MDN1: variants seen among roughly 807,000 people sequenced by gnomAD.
The protein encoded by MDN1 is midasin.
A neutral mutation model predicts 669.2 loss-of-function variants in MDN1; 266 were observed. The observed-to-expected ratio is 0.40, with a 90% CI of 0.36 to 0.44. The LOEUF (loss-of-function observed/expected upper bound fraction) is 0.44, where lower values mean the gene tolerates loss of function less well. MDN1 is among the 20% of genes least tolerant of loss of function. The probability of loss-of-function intolerance (pLI) is 1.00; values close to 1 mark genes in which losing one functional copy is unlikely to be tolerated. For missense variants in MDN1, 5,940 were observed against 6,754.0 expected (o/e 0.88, Z 4.22); for synonymous variants, 2,385 against 2,457.1 (o/e 0.97, Z 0.87).
intron 85 of MDN1, 54 bp from the exon 86 acceptor site, chr6:89,663,021 G>A: frequency 1.9e-6 from 3 of 1,599,472 alleles, no homozygotes; most frequent in Non-Finnish European, 2.6e-6. Flanking sequence ...CCAGTCCTGT[G>A]TATTTAAGAG....
chr6:89,768,692 G>A (rs989408805), intron 15 of MDN1, among the ~76,000 whole-genome samples: 3 of 151,794 alleles, frequency 2.0e-5, no homozygotes, highest in African/African-American at 7.3e-5. Flanking sequence ...AACTATGAGG[G>A]CACCATGGTA....
In MDN1 at chr6:89,674,422, C is replaced by T. The variant is rs1205244751; in HGVS notation, c.12929G>A (p.Cys4310Tyr). The T allele has an allele frequency of 5.6e-6, 9 of 1,614,026 alleles. No homozygotes were observed. Among genetic ancestry groups the T allele is most frequent in the Non-Finnish European group, 5.9e-6 (7 of 1,180,026 alleles). ...TGGAGCTGGCCCTACACTGGGGCAG[C>T]ACTGGAGGAGCCAGGAGAGCTGCTC... is the stretch of plus-strand genomic sequence containing the variant. ...LLEQLSWLLQCCPSVGPAPGH... is the reference protein window; with the variant it reads ...LLEQLSWLLQYCPSVGPAPGH... The change falls in exon 79 of 102, where the codon TGC becomes TAC. Residue 4310 changes from cysteine (C) to tyrosine (Y), a missense_variant. Transcript: ENST00000369393.
chr6:89,704,805 C>T (rs1813411049), intron 53 of MDN1, among the ~76,000 whole-genome samples: 1 of 152,192 alleles, frequency 6.6e-6, no homozygotes. Context: ...TGGCCTTGAT[C>T]TCCTGACCTC....
Position 89,743,177 on chromosome 6 carries a change from T to C in MDN1, c.4421A>G (p.Asp1474Gly), listed in dbSNP as rs770811921. The C allele has an allele frequency of 6.2e-7, 1 of 1,614,026 alleles. No homozygotes were observed. Among genetic ancestry groups the C allele is most frequent in the Non-Finnish European group, 8.5e-7 (1 of 1,180,024 alleles). The change falls in exon 31 of 102, where the codon GAT (aspartate) becomes GGT (glycine). Residue 1474 changes from aspartate (D) to glycine (G), a missense_variant. Around this residue, in one of 5 missense-constraint regions of MDN1, gnomAD observed 2,292 missense variants for 2,638.3 expected, o/e 0.87. Coordinates refer to ENST00000369393, the MANE Select transcript of MDN1 (RefSeq NM_014611.3). ...FFLLDEISLADDSVLERLNSV... is the reference protein window; with the variant it reads ...FFLLDEISLAGDSVLERLNSV... ...GTTGAGTCTTTCCAAGACAGAGTCA[T>C]CGGCCAATGAGATCTCATCCAAGAG... is the stretch of plus-strand genomic sequence containing the variant.
chr6:89,732,313 C>A (rs1219634653), intron 34 of MDN1, among the ~76,000 whole-genome samples: 1 of 150,484 alleles, frequency 6.6e-6, no homozygotes, highest in Non-Finnish European at 1.5e-5. Flanking sequence ...GCAGTCTTTA[C>A]TCTACTCATA....
At chr6:89,708,698 T>C in intron 50 of MDN1, 70 bp from the exon 51 acceptor site, 1 of 1,526,448 alleles carries the variant, frequency 6.6e-7, no homozygotes, top group Middle Eastern at 1.9e-4. Flanking sequence ...AAGTTTCAGT[T>C]GAATATTTTC....
At chr6:89,805,309 A>G (rs1017424788) in intron 1 of MDN1, among the ~76,000 whole-genome samples, 11 of 152,286 alleles carry the variant, frequency 7.2e-5, no homozygotes, top group African/African-American at 2.6e-4. Flanking sequence ...TGGAAGGCCG[A>G]AGCAGACAGA....
intron 32 of MDN1, 59 bp downstream of exon 32, chr6:89,740,175 G>A (rs928046304): frequency 5.8e-6 from 9 of 1,562,190 alleles, no homozygotes; most frequent in East Asian, 2.4e-5. Context: ...CTATATTTAC[G>A]AGTACCAGTA....
At chr6:89,725,426 C>A in intron 37 of MDN1, 30 bp from the exon 38 acceptor site, 1 of 1,564,318 alleles carries the variant, frequency 6.4e-7, no homozygotes, top group South Asian at 1.1e-5. Context: ...CATAATTTGT[C>A]TCAAATATAT....
At chr6:89,771,368 G>A (rs970599202) in intron 15 of MDN1, among the ~76,000 whole-genome samples, 193 bp downstream of exon 15, 1 of 151,960 alleles carries the variant, frequency 6.6e-6, no homozygotes, top group Non-Finnish European at 1.5e-5. Flanking sequence ...GTCTTACTGG[G>A]GCCAGCCACA....
At chr6:89,649,935 C>T in intron 97 of MDN1, 89 bp downstream of exon 97, 1 of 1,314,426 alleles carries the variant, frequency 7.6e-7, no homozygotes, top group Non-Finnish European at 1.1e-6. Flanking sequence ...AAGCATTAGC[C>T]ATATCATATT....
chr6:89,790,404 A>G lies in MDN1; in HGVS notation c.856-3T>C. ...CGTGAAGAACTCCTATTACCACCCT[A>G]AAGAGGCAAGACAAAAGCCATGTCA... On this transcript the variant is annotated splice_polypyrimidine_tract_variant and splice_region_variant and intron_variant, in intron 5 of 101. Coordinates refer to ENST00000369393, the MANE Select transcript of MDN1 (RefSeq NM_014611.3). 6.2e-7 allele frequency: 1 copy of G among 1,613,640 alleles called. No homozygotes were observed. Among genetic ancestry groups the G allele is most frequent in the Non-Finnish European group, 8.5e-7 (1 of 1,179,924 alleles).
In MDN1 at chr6:89,785,014, C is replaced by T; in HGVS notation, c.1447G>A (p.Glu483Lys). ...LDNLDKRELN[E>K]VLQSRYPSLL... ...GATACTTTCCAAGACCCACGTACCT[C>T]ATTCAGTTCTCTCTTATCCAGGTTA... The change falls in exon 9 of 102, where the codon GAG (glutamate) becomes AAG (lysine). Residue 483 changes from glutamate to lysine, a missense_variant and splice_region_variant. By Grantham distance (56) the Glu-to-Lys change is moderately conservative (BLOSUM62 1). This residue lies in a region of MDN1 where 1,203 missense variants were observed against 1,268.9 expected (regional missense o/e 0.95). Coordinates refer to ENST00000369393, the MANE Select transcript of MDN1 (RefSeq NM_014611.3). 1 of 1,602,316 alleles carries T rather than the reference C, an allele frequency of 6.2e-7. No individual in the cohort carries two copies. Among genetic ancestry groups the T allele is most frequent in the Middle Eastern group, 1.7e-4 (1 of 6,038 alleles).
intron 2 of MDN1, among the ~76,000 whole-genome samples, chr6:89,795,631 A>G (rs1819546131): frequency 6.6e-6 from 1 of 152,204 alleles, no homozygotes; most frequent in Admixed American, 6.5e-5. Context: ...AGATTAAGAA[A>G]AAAAAGATTC....
rs745848455 is a variant in MDN1, at chr6:89,713,177, A to G, written c.7189T>C (p.Cys2397Arg). Reference protein sequence around the residue: ...FSEACWEVYVCSQHSPANRKL... With the variant: ...FSEACWEVYVRSQHSPANRKL... ...CGGTTTGCTGGTGAATGCTGGGAACAGACATATACTTCCCAGCATGCTTCA... is the reference window on the plus strand; with the variant it reads ...CGGTTTGCTGGTGAATGCTGGGAACGGACATATACTTCCCAGCATGCTTCA... Residue 2397 changes from cysteine (C) to arginine (R), a missense_variant, in exon 47 of 102, where the codon TGT becomes CGT. By Grantham distance (180) the Cys-to-Arg change is radical. This residue lies in a region of MDN1 where 2,292 missense variants were observed against 2,638.3 expected (regional missense o/e 0.87). Transcript: ENST00000369393. 5.6e-6 allele frequency: 9 copies of G among 1,613,998 alleles called. No homozygotes were observed. In the Admixed American group the frequency reaches 1.3e-4, roughly 24 times the overall value.
chr6:89,673,955 C>T (rs1330379468), intron 79 of MDN1, 149 bp downstream of exon 79: 3 of 702,622 alleles, frequency 4.3e-6, no homozygotes, highest in Non-Finnish European at 6.7e-6. Flanking sequence ...CACCCCACCC[C>T]ATCCCCCAAA....
intron 1 of MDN1, 75 bp downstream of exon 1, chr6:89,819,431 G>T: frequency 7.4e-7 from 1 of 1,344,318 alleles, no homozygotes; most frequent in Non-Finnish European, 1.0e-6. Flanking sequence ...GCGAGTATCG[G>T]CGGGGGAGCG....
chr6:89,806,036 C>T (rs1326021304), intron 1 of MDN1, among the ~76,000 whole-genome samples: 1 of 152,062 alleles, frequency 6.6e-6, no homozygotes, highest in Non-Finnish European at 1.5e-5. Context: ...CTCCCAAGCT[C>T]AAGCAATCCT....
chr6:89,818,445 G>A (rs1435542681), intron 1 of MDN1, among the ~76,000 whole-genome samples: 2 of 151,516 alleles, frequency 1.3e-5, no homozygotes, highest in Admixed American at 6.6e-5. Context: ...ACCAGTCGGG[G>A]CAACAAAGGG....
Sources: gnomAD v4.1 joint callset for allele counts (sites outside exome capture counted in the v4.1 genomes callset) on GRCh38, gnomAD v4.1.1 for gene constraint, gnomAD v4.1.1 regional missense constraint, MANE v1.5 for transcripts, NCBI Gene and HGNC (gene_info 2026-07-23, HGNC 2026-07-21) for gene names.